EXTL1: variants seen among roughly 807,000 people sequenced by gnomAD.
EXTL1 encodes the protein exostosin-like 1.
EXTL1 carries 43 observed loss-of-function variants against 64.6 expected under a neutral mutation model. The ratio of observed to expected loss-of-function variants is 0.67; its 90% CI spans 0.52 to 0.86. EXTL1 has a LOEUF of 0.86. EXTL1 is among the 40% of genes least tolerant of loss of function. The pLI is 0.00. For synonymous variants in EXTL1, 352 were observed against 360.5 expected (o/e 0.98, Z 0.27); for missense variants, 766 against 879.0 (o/e 0.87, Z 1.62).
chr1:26,034,649 G>A lies in EXTL1; in HGVS notation c.1680-187G>A, dbSNP rs1214533164. ...GAGGGCAGGGAACACACCACTAACT[G>A]CAGATAAGCCACGGGGCACAGCACA... On this transcript the variant is annotated intron_variant, in intron 9 of 10. Transcript: ENST00000374280. This position sits in a 1 kb window ranked among gnomAD's most constrained non-coding sequence, Gnocchi z 4.6. Among the ~76,000 whole-genome samples, 2 of 152,206 alleles carry A rather than the reference G, an allele frequency of 1.3e-5. No homozygotes were observed. The highest frequency in any genetic ancestry group is 2.9e-5 in the Non-Finnish European group (2 of 68,030).
At position 26,033,180 on chromosome 1, in the gene EXTL1, G is replaced by T. The variant is rs757955021; in HGVS notation, c.1432-49G>T. ...AATGGCTCCTACTTATTGGATGGGGGTGGGGGGAATGTTCCAATGGCTGAG... is the reference window on the plus strand; with the variant it reads ...AATGGCTCCTACTTATTGGATGGGGTTGGGGGGAATGTTCCAATGGCTGAG... On this transcript the variant is annotated intron_variant, in intron 7 of 10. Coordinates refer to ENST00000374280, the MANE Select transcript of EXTL1 (RefSeq NM_004455.3). This position sits in a 1 kb window ranked among gnomAD's most constrained non-coding sequence, Gnocchi z 5.1. 1.5e-6 allele frequency: 2 copies of T among 1,309,428 alleles called. No individual in the cohort carries two copies. Among genetic ancestry groups the T allele is most frequent in the African/African-American group, 2.9e-5 (2 of 68,846 alleles). 81.1% of individuals were successfully genotyped at this position (1,309,428 alleles called of 1,614,324 possible).
chr1:26,031,907 T>G (rs2050291281), intron 6 of EXTL1, among the ~76,000 whole-genome samples: 1 of 152,082 alleles, frequency 6.6e-6, no homozygotes, highest in Non-Finnish European at 1.5e-5. Context: ...TCAGACTGGG[T>G]TAGCATTTTC....
intron 1 of EXTL1, among the ~76,000 whole-genome samples, chr1:26,027,562 A>C (rs1372735783): frequency 6.6e-6 from 1 of 151,718 alleles, no homozygotes; most frequent in Admixed American, 6.6e-5. Flanking sequence ...ACATTAAGAC[A>C]GCGTAGAAGA....
Position 26,023,384 on chromosome 1 carries a change from CCCCTGGGATGGGCGCTGTGAGCAAGA to C in EXTL1, c.745_770del (p.Asp249ThrfsTer64). 1 of 1,458,930 alleles carries C rather than the reference CCCCTGGGATGGGCGCTGTGAGCAAGA, an allele frequency of 6.9e-7. No homozygotes were observed. Among genetic ancestry groups the C allele is most frequent in the African/African-American group, 1.4e-5 (1 of 70,128 alleles). The allele number at this position is 1,458,930 out of a possible 1,614,324, so 90.4% of individuals were successfully genotyped here. On this transcript the variant is annotated frameshift_variant, in exon 1 of 11. Coordinates refer to ENST00000374280, the MANE Select transcript of EXTL1 (RefSeq NM_004455.3). LOFTEE classifies it high-confidence loss of function. The stretch of plus-strand genomic sequence containing the variant: ...CAGCAGACACTGGCTCCTCTGCCTG[CCCCTGGGATGGGCGCTGTGAGCAAGA>C]CCCTGGACCTGGGCAGTAAGTGAAC...
rs2050210786 is a variant in EXTL1, at chr1:26,025,952, A to G, written c.779+2527A>G. ...ATGATACTTTTATAGGCTCATGAAAATATTTTCATTTTTTGAAAATCAGGG... is the reference window on the plus strand; with the variant it reads ...ATGATACTTTTATAGGCTCATGAAAGTATTTTCATTTTTTGAAAATCAGGG... On this transcript the variant is annotated intron_variant, in intron 1 of 10. Coordinates refer to ENST00000374280, the MANE Select transcript of EXTL1 (RefSeq NM_004455.3). This position sits in a 1 kb window ranked among gnomAD's most constrained non-coding sequence, Gnocchi z 5.3. Among the ~76,000 whole-genome samples the G allele has an allele frequency of 6.6e-6, 1 of 152,166 alleles. No homozygotes were observed. The highest frequency in any genetic ancestry group is 2.4e-5 in the African/African-American group (1 of 41,420).
In EXTL1 at chr1:26,034,275, C is replaced by T. The variant is rs540630171; in HGVS notation, c.1679+419C>T. Among the ~76,000 whole-genome samples, 18 of 152,276 alleles carry T rather than the reference C, an allele frequency of 1.2e-4. 1 individual carries two copies. The highest frequency in any genetic ancestry group is 3.4e-3 in the Middle Eastern group (1 of 294). On this transcript the variant is annotated intron_variant, in intron 9 of 10. Transcript: ENST00000374280. The surrounding 1 kb of genome is among the most constrained non-coding windows in gnomAD (Gnocchi z 4.6). ...CTTCCAGAAGCTGCCTGAAGTGCTC[C>T]GGTCTTAGGGCAGAGACTGAATTCT... is the stretch of plus-strand genomic sequence containing the variant.
chr1:26,030,651 C>T (rs896008182), intron 4 of EXTL1, 56 bp downstream of exon 4: 1 of 1,560,400 alleles, frequency 6.4e-7, no homozygotes, highest in Middle Eastern at 1.7e-4. Context: ...TCATCCCTGT[C>T]ACCTCTCCAT....
chr1:26,029,563 T>G, intron 2 of EXTL1, 37 bp from the exon 3 acceptor site: 1 of 1,277,266 alleles, frequency 7.8e-7, no homozygotes, highest in Non-Finnish European at 1.1e-6. Flanking sequence ...ATGTGCAGGG[T>G]GGGGCTGGGC....
chr1:26,030,506 G>T lies in EXTL1; in HGVS notation c.1012G>T (p.Ala338Ser). The change falls in exon 4 of 11, where the codon GCA becomes TCA. Residue 338 changes from alanine (A) to serine (S), a missense_variant. Around this residue, in one of 3 missense-constraint regions of EXTL1, gnomAD observed 571 missense variants for 647.6 expected, o/e 0.88. Transcript: ENST00000374280. ...VLAALQEMSPARVLALRQQTQ... is the reference protein window; with the variant it reads ...VLAALQEMSPSRVLALRQQTQ... ...GGCTGCCCTCCAGGAGATGTCCCCT[G>T]CACGGGTCCTCGCCCTGCGTCAGCA... 6.2e-7 allele frequency: 1 copy of T among 1,613,178 alleles called. No homozygotes were observed. Among genetic ancestry groups the T allele is most frequent in the Non-Finnish European group, 8.5e-7 (1 of 1,179,900 alleles).
chr1:26,023,707 A>AT (rs911005493), intron 1 of EXTL1, among the ~76,000 whole-genome samples: 2 of 152,008 alleles, frequency 1.3e-5, no homozygotes, highest in African/African-American at 2.4e-5. Flanking sequence ...CTACCCTAAT[A>AT]TTTTTTTTCC....
In EXTL1 at chr1:26,032,121, G is replaced by A. The variant is rs1255861483; in HGVS notation, c.1342-275G>A. On this transcript the variant is annotated intron_variant, in intron 6 of 10. Coordinates refer to ENST00000374280, the MANE Select transcript of EXTL1 (RefSeq NM_004455.3). ...AAGATGAGGATGGAGCATGGAGTCA[G>A]GGCCCAGGCTAGGGACTACCACAGA... is the stretch of plus-strand genomic sequence containing the variant. The A allele has an allele frequency of 3.3e-5, 13 of 391,150 alleles. No homozygotes were observed. In the East Asian group the frequency reaches 5.3e-4, roughly 16 times the overall value. The allele number at this position is 391,150 out of a possible 1,614,324, so 24.2% of individuals were successfully genotyped here. A position where few individuals can be genotyped will look rare whatever the true frequency, so the allele number is the denominator to read the frequency against.
chr1:26,022,532 G>T lies in EXTL1; in HGVS notation c.-115G>T. The T allele has an allele frequency of 1.2e-6, 1 of 824,144 alleles. No individual in the cohort carries two copies. The highest frequency in any genetic ancestry group is 1.7e-5 in the South Asian group (1 of 57,696). 51.1% of individuals were successfully genotyped at this position (824,144 alleles called of 1,614,324 possible). A position where few individuals can be genotyped will look rare whatever the true frequency, so the allele number is the denominator to read the frequency against. On this transcript the variant is annotated 5_prime_UTR_variant, in exon 1 of 11. It removes an upstream start codon present in the reference 5' UTR. Transcript: ENST00000374280. ...GCCTCAGTCTTCCCATCTGTACAAT[G>T]ACAGCACAGGACTAGCAGGTCGGTC...
intron 1 of EXTL1, among the ~76,000 whole-genome samples, chr1:26,024,996 C>T (rs550337456): frequency 3.9e-5 from 6 of 152,290 alleles, no homozygotes; most frequent in East Asian, 1.9e-4. Flanking sequence ...TTCTAATTAG[C>T]GTGGGTCACC....
rs545875320 is a variant in EXTL1, at chr1:26,032,935, A to G, written c.1432-294A>G. On this transcript the variant is annotated intron_variant, in intron 7 of 10. Coordinates refer to ENST00000374280, the MANE Select transcript of EXTL1 (RefSeq NM_004455.3). The stretch of plus-strand genomic sequence containing the variant: ...AACTCCTCCCAGAGTTGATGTGACA[A>G]TATGACAATGGAGGAATTCCAAGAT... Among the ~76,000 whole-genome samples the G allele has an allele frequency of 4.2e-4, 64 of 152,310 alleles. No individual in the cohort carries two copies. The Middle Eastern group carries it at 0.01, about 24-fold the overall frequency.
chr1:26,025,861 G>T lies in EXTL1; in HGVS notation c.779+2436G>T, dbSNP rs1557550582. ...CCCCATTTTTTAACATAAATTTGAG[G>T]CATGCTTCAAAGTCCCCCAGGCTGT... On this transcript the variant is annotated intron_variant, in intron 1 of 10. Coordinates refer to ENST00000374280, the MANE Select transcript of EXTL1 (RefSeq NM_004455.3). This position sits in a 1 kb window ranked among gnomAD's most constrained non-coding sequence, Gnocchi z 5.3. Among the ~76,000 whole-genome samples the T allele has an allele frequency of 6.6e-6, 1 of 152,082 alleles. No individual in the cohort carries two copies. The highest frequency in any genetic ancestry group is 2.4e-5 in the African/African-American group (1 of 41,402).
intron 1 of EXTL1, among the ~76,000 whole-genome samples, chr1:26,027,854 A>C (rs1225915182): frequency 6.6e-6 from 1 of 152,054 alleles, no homozygotes; most frequent in Non-Finnish European, 1.5e-5. Context: ...TCAGAAGAAA[A>C]AGATGAGTAG....
chr1:26,035,246 CACATGCCCTTGCTGTCCT>C lies in EXTL1; in HGVS notation c.1931_1948del (p.His644_Ser650delinsPro). 1 of 1,613,676 alleles carries C rather than the reference CACATGCCCTTGCTGTCCT, an allele frequency of 6.2e-7. No homozygotes were observed. The highest frequency in any genetic ancestry group is 8.5e-7 in the Non-Finnish European group (1 of 1,179,936). ...CAACCAGATAGCGGCAGCGTTCGGC[CACATGCCCTTGCTGTCCT>C]CTCGTCTGCGTCTGGACCCGGTGCT... is the stretch of plus-strand genomic sequence containing the variant. On this transcript the variant is annotated inframe_deletion, in exon 11 of 11. Transcript: ENST00000374280. This position sits in a 1 kb window ranked among gnomAD's most constrained non-coding sequence, Gnocchi z 5.3.
rs1553141668 is a variant in EXTL1 at position 26,026,290 on chromosome 1, G to GAA, written c.779+2871_779+2872dup. Among the ~76,000 whole-genome samples the GAA allele has an allele frequency of 2.2e-3, 144 of 64,184 alleles. 1 individual carries two copies. Among genetic ancestry groups the GAA allele is most frequent in the African/African-American group, 9.7e-3 (111 of 11,402 alleles). The allele number at this position is 64,184 out of a possible 152,430, so 42.1% of individuals were successfully genotyped here. On this transcript the variant is annotated intron_variant, in intron 1 of 10. Coordinates refer to ENST00000374280, the MANE Select transcript of EXTL1 (RefSeq NM_004455.3). ...ATTAAAAATGAACTTTCAGGTAGAA[G>GAA]AAAAAAATTTTTTTTTTTTTTGAGA...
At chr1:26,024,262 A>G (rs1259617007) in intron 1 of EXTL1, among the ~76,000 whole-genome samples, 1 of 152,090 alleles carries the variant, frequency 6.6e-6, no homozygotes, top group Non-Finnish European at 1.5e-5. Flanking sequence ...GCAGCCTCTA[A>G]AGGCTAGCTG....
Sources: gnomAD v4.1 joint callset for allele counts (sites outside exome capture counted in the v4.1 genomes callset) on GRCh38, gnomAD v4.1.1 for gene constraint, gnomAD v4.1.1 regional missense constraint, Gnocchi (gnomAD v3.1) non-coding constraint, MANE v1.5 for transcripts, NCBI Gene and HGNC (gene_info 2026-07-23, HGNC 2026-07-21) for gene names.